POLH: variants seen among roughly 807,000 people sequenced by gnomAD.
POLH encodes the protein DNA polymerase eta transcript.
Under a neutral mutation model 73.6 loss-of-function variants are expected in POLH, and 53 were observed. The ratio of observed to expected loss-of-function variants is 0.72; its 90% confidence interval spans 0.58 to 0.91. The LOEUF is 0.91. POLH is among the 40% of genes least tolerant of loss of function. POLH has a pLI of 0.00. For missense variants in POLH, 768 were observed against 865.4 expected (o/e 0.89, Z 1.41); for synonymous variants, 292 against 308.5 (o/e 0.95, Z 0.56).
At chr6:43,581,668 C>A (rs985001681) in intron 1 of POLH, among the ~76,000 whole-genome samples, 1 of 143,826 alleles carries the variant, frequency 7.0e-6, no homozygotes, top group African/African-American at 2.8e-5. Flanking sequence ...TCCATCCTCC[C>A]GGCGGTCGGG....
rs397944590 is a variant in POLH, at chr6:43,617,916, C to CAAAA, written c.*3369_*3372dup. The stretch of plus-strand genomic sequence containing the variant: ...CCCTGGCGACACAGCAAGACTGTCT[C>CAAAA]AAAAAAAAAAAAATTCCCAATGTGT... On this transcript the variant is annotated 3_prime_UTR_variant, in exon 11 of 11. Coordinates refer to ENST00000372236, the MANE Select transcript of POLH (RefSeq NM_006502.3). 7.3e-6 allele frequency among the ~76,000 whole-genome samples: 1 copy of CAAAA among 136,952 alleles called. No individual in the cohort carries two copies. The highest frequency in any genetic ancestry group is 1.6e-5 in the Non-Finnish European group (1 of 62,324). 89.8% of individuals were successfully genotyped at this position (136,952 alleles called of 152,430 possible).
chr6:43,607,168 C>T (rs1336160192), intron 9 of POLH, among the ~76,000 whole-genome samples: 2 of 152,232 alleles, frequency 1.3e-5, no homozygotes, highest in African/African-American at 4.8e-5. Flanking sequence ...AGTCTCGGCT[C>T]ACTGCAACAT....
At chr6:43,584,484 C>G (rs1287028978) in intron 3 of POLH, among the ~76,000 whole-genome samples, 3 of 152,150 alleles carry the variant, frequency 2.0e-5, no homozygotes, top group Admixed American at 1.3e-4. Flanking sequence ...TTTAGAAAAA[C>G]TCAAACTATG....
intron 10 of POLH, among the ~76,000 whole-genome samples, chr6:43,612,195 C>T (rs1013260737): frequency 2.9e-4 from 44 of 152,126 alleles, no homozygotes; most frequent in African/African-American, 1.1e-3. Flanking sequence ...TACTAATGTA[C>T]ACATGAAACC....
In POLH at chr6:43,599,886, C is replaced by T. The variant is rs187240780; in HGVS notation, c.661-1102C>T. On this transcript the variant is annotated intron_variant, in intron 5 of 10. Transcript: ENST00000372236. The stretch of plus-strand genomic sequence containing the variant: ...AGAAAAGATTTCTCTTGGCCGAGTG[C>T]GGTGGCTCACACCTGTAATCCCAGC... Among the ~76,000 whole-genome samples the T allele has an allele frequency of 2.1e-3, 315 of 151,958 alleles. 2 individuals carry two copies. Among genetic ancestry groups the T allele is most frequent in the African/African-American group, 6.7e-3 (280 of 41,488 alleles).
chr6:43,597,980 A>G (rs1161269325), intron 5 of POLH, 115 bp downstream of exon 5: 18 of 862,424 alleles, frequency 2.1e-5, no homozygotes, highest in South Asian at 9.6e-5. Flanking sequence ...TCGCACGCCT[A>G]TGTGAGTGGA....
intron 6 of POLH, among the ~76,000 whole-genome samples, chr6:43,601,535 G>A (rs1020021367): frequency 6.6e-6 from 1 of 151,706 alleles, no homozygotes; most frequent in East Asian, 2.0e-4. Flanking sequence ...CAAAGTGTTG[G>A]GATTACAGGC....
At chr6:43,583,471 T>A (rs370667482) in intron 3 of POLH, among the ~76,000 whole-genome samples, 4 of 152,206 alleles carry the variant, frequency 2.6e-5, no homozygotes, top group African/African-American at 9.7e-5. Flanking sequence ...ACTGTGAAAC[T>A]GAGAATTTTT....
chr6:43,580,784 C>T (rs1764023111), intron 1 of POLH, among the ~76,000 whole-genome samples: 1 of 133,394 alleles, frequency 7.5e-6, no homozygotes, highest in Non-Finnish European at 1.6e-5. Context: ...CCACCTCCCT[C>T]CCGGACTGGG....
Position 43,614,355 on chromosome 6 carries a change from T to C in POLH, c.1940T>C (p.Met647Thr), listed in dbSNP as rs575143234. 9 of 1,613,408 alleles carry C rather than the reference T, an allele frequency of 5.6e-6. No homozygotes were observed. The African/African-American group carries it at 6.7e-5, about 12-fold the overall frequency. Residue 647 changes from methionine to threonine, a missense_variant, in exon 11 of 11, where the codon ATG (methionine) becomes ACG (threonine). Transcript: ENST00000372236. ...KCGSLVPVWD[M>T]PEHMDYHFAL... ...GGCTCCCTGGTACCGGTATGGGATA[T>C]GCCAGAACACATGGACTATCATTTT...
chr6:43,597,952 C>A, intron 5 of POLH, 87 bp downstream of exon 5: 1 of 1,239,356 alleles, frequency 8.1e-7, no homozygotes, highest in Non-Finnish European at 1.2e-6. Flanking sequence ...AATTATTACA[C>A]ATAGGCCGGG....
At chr6:43,594,612 C>G (rs1252556088) in intron 4 of POLH, among the ~76,000 whole-genome samples, 2 of 152,154 alleles carry the variant, frequency 1.3e-5, no homozygotes, top group Admixed American at 6.5e-5. Flanking sequence ...GAGGCTGAAG[C>G]AGGATAATTG....
At position 43,616,423 on chromosome 6, in the gene POLH, G is replaced by A. The variant is rs1425770247; in HGVS notation, c.*1866G>A. Among the ~76,000 whole-genome samples, 1 of 148,796 alleles carries A rather than the reference G, an allele frequency of 6.7e-6. No homozygotes were observed. On this transcript the variant is annotated 3_prime_UTR_variant, in exon 11 of 11. Coordinates refer to ENST00000372236, the MANE Select transcript of POLH (RefSeq NM_006502.3). ...AGCCTGGGCAAGGTGGCAAAACCCC[G>A]TCTCTACTAAAAAAAATTAGCTGGG...
Position 43,620,055 on chromosome 6 carries a change from T to G in POLH, c.*5498T>G, listed in dbSNP as rs1272960814. The G allele has an allele frequency of 1.4e-5, 4 of 293,246 alleles. No homozygotes were observed. The highest frequency in any genetic ancestry group is 2.6e-5 in the Non-Finnish European group (4 of 153,392). 18.2% of individuals were successfully genotyped at this position (293,246 alleles called of 1,614,324 possible). On this transcript the variant is annotated 3_prime_UTR_variant, in exon 11 of 11. Coordinates refer to ENST00000372236, the MANE Select transcript of POLH (RefSeq NM_006502.3). ...GAGCAGGGACTAAGGTTTGGTCAAG[T>G]GGCCCTCATTGTTCCAAGAGTAATT...
rs1256616702 is a variant in POLH at position 43,608,453 on chromosome 6, C to T, written c.1075-2101C>T. 2.0e-5 allele frequency among the ~76,000 whole-genome samples: 3 copies of T among 152,278 alleles called. 1 individual carries two copies. The highest frequency in any genetic ancestry group is 4.1e-4 in the South Asian group (2 of 4,830). ...GGATTTGATCCAGTTGCGTTATCGC[C>T]CTTTTCCGCTTTTGCCCACTAGGTG... On this transcript the variant is annotated intron_variant, in intron 9 of 10. Coordinates refer to ENST00000372236, the MANE Select transcript of POLH (RefSeq NM_006502.3).
In POLH at chr6:43,614,426, C is replaced by T; in HGVS notation, c.2011C>T (p.Pro671Ser). 1.2e-6 allele frequency: 2 copies of T among 1,614,022 alleles called. No individual in the cohort carries two copies. The highest frequency in any genetic ancestry group is 4.5e-5 in the East Asian group (2 of 44,892). ...KSFLQPHSSN[P>S]QVVSAVSHQG... Reference sequence around the variant, plus strand: ...CTTTTTGCAGCCCCACTCTTCAAACCCCCAGGTTGTTTCTGCCGTATCTCA... The same window carrying T: ...CTTTTTGCAGCCCCACTCTTCAAACTCCCAGGTTGTTTCTGCCGTATCTCA... The change falls in exon 11 of 11, where the codon CCC becomes TCC. Residue 671 changes from proline (P) to serine (S), a missense_variant. Pro to Ser is a moderately conservative substitution (Grantham distance 74). Transcript: ENST00000372236.
intron 1 of POLH, among the ~76,000 whole-genome samples, chr6:43,582,115 T>A (rs947569756): frequency 3.9e-5 from 6 of 152,112 alleles, no homozygotes; most frequent in Non-Finnish European, 8.8e-5. Flanking sequence ...TTGAAAAAAA[T>A]GCAAAATCTC....
intron 5 of POLH, among the ~76,000 whole-genome samples, chr6:43,600,145 T>C (rs1766568689): frequency 6.9e-6 from 1 of 145,090 alleles, no homozygotes. Flanking sequence ...GCAACAAGAG[T>C]GAAACTCTGT....
At chr6:43,586,334 C>T (rs1764816723) in intron 3 of POLH, among the ~76,000 whole-genome samples, 1 of 151,842 alleles carries the variant, frequency 6.6e-6, no homozygotes. Flanking sequence ...CAAAAAAATT[C>T]ACCAGGCGTG....
Sources: allele counts gnomAD v4.1 joint callset (sites outside exome capture counted in the v4.1 genomes callset), GRCh38; gene constraint gnomAD v4.1.1; transcripts MANE v1.5; gene names NCBI Gene and HGNC (gene_info 2026-07-23, HGNC 2026-07-21).